The following GATAD2A variants were observed in gnomAD, a reference collection of about 807,000 sequenced individuals.
GATAD2A encodes the protein transcriptional repressor p66-alpha.
GATAD2A carries 12 observed loss-of-function variants against 68.5 expected under a neutral mutation model. The ratio of observed to expected loss-of-function variants is 0.18; its 90% confidence interval spans 0.11 to 0.28. The LOEUF (loss-of-function observed/expected upper bound fraction) is 0.28, where lower values mean the gene tolerates loss of function less well. GATAD2A is among the 10% of genes least tolerant of loss of function. GATAD2A has a pLI of 1.00. For synonymous variants in GATAD2A, 410 were observed against 375.3 expected, an observed-to-expected ratio of 1.09 and a Z score of -1.07; for missense variants, 755 against 868.5, an observed-to-expected ratio of 0.87 and a Z score of 1.64.
intron 1 of GATAD2A, among the ~76,000 whole-genome samples, chr19:19,439,171 T>C (rs2054697155): frequency 6.6e-6 from 1 of 152,238 alleles, no homozygotes; most frequent in African/African-American, 2.4e-5. Context: ...CTCCCACTTG[T>C]GTGTACATTT....
rs1488070142 is a variant in GATAD2A, at chr19:19,431,272, G to A, written c.-7+25253G>A. On this transcript the variant is annotated intron_variant, in intron 1 of 11. Transcript: ENST00000683918. ...ATGCTGCTAGTTGTGATCATGCTGA[G>A]TGGTCTTCTGCTTGGTTTCCTCCTC... Among the ~76,000 whole-genome samples the A allele has an allele frequency of 2.0e-5, 3 of 151,100 alleles. No individual in the cohort carries two copies. The East Asian group carries it at 5.9e-4, about 30-fold the overall frequency.
upstream of GATAD2A, among the ~76,000 whole-genome samples, chr19:19,405,556 C>A (rs1450410725): frequency 6.6e-6 from 1 of 152,006 alleles, no homozygotes; most frequent in Non-Finnish European, 1.5e-5. Flanking sequence ...CGGAGAGGGG[C>A]GGTGCTTCCG....
At position 19,507,835 on chromosome 19, in the gene GATAD2A, C is replaced by T. The variant is rs1460199030; in HGVS notation, c.*2361C>T. 1 of 152,140 alleles carries T rather than the reference C, an allele frequency of 6.6e-6. No homozygotes were observed. Among genetic ancestry groups the T allele is most frequent in the African/African-American group, 2.4e-5 (1 of 41,424 alleles). The allele number at this position is 152,140 out of a possible 1,614,324, so 9.4% of individuals were successfully genotyped here. A position where few individuals can be genotyped will look rare whatever the true frequency, so the allele number is the denominator to read the frequency against. On this transcript the variant is annotated 3_prime_UTR_variant, in exon 12 of 12. Coordinates refer to ENST00000683918, the MANE Select transcript of GATAD2A (RefSeq NM_001384528.1). ...TTCTGCTGTCTCGAACACTCTAGCC[C>T]ATTATTTCCTTTCAGTTCCTTGCAG... is the stretch of plus-strand genomic sequence containing the variant.
At chr19:19,443,308 C>A (rs1158968239) in intron 1 of GATAD2A, among the ~76,000 whole-genome samples, 1 of 152,158 alleles carries the variant, frequency 6.6e-6, no homozygotes, top group Non-Finnish European at 1.5e-5. Flanking sequence ...AGGTCTAGTT[C>A]ATGAGAAATT....
intron 2 of GATAD2A, among the ~76,000 whole-genome samples, chr19:19,473,565 C>T (rs1172664950): frequency 1.3e-5 from 2 of 152,064 alleles, no homozygotes; most frequent in African/African-American, 4.8e-5. Flanking sequence ...CTTCCCTGCC[C>T]AGAGAATGCA....
At chr19:19,406,783 G>C (rs2050328344) in intron 1 of GATAD2A, among the ~76,000 whole-genome samples, 1 of 152,168 alleles carries the variant, frequency 6.6e-6, no homozygotes. Flanking sequence ...TTATGGGCAG[G>C]GCCCAGGCTG....
rs773973034 is a variant in GATAD2A at position 19,465,624 on chromosome 19, AG to A, written c.269+12del. The A allele has an allele frequency of 3.1e-5, 50 of 1,595,386 alleles. No homozygotes were observed. Among genetic ancestry groups the A allele is most frequent in the Non-Finnish European group, 5.1e-6 (6 of 1,171,610 alleles). On this transcript the variant is annotated intron_variant, in intron 2 of 11. Coordinates refer to ENST00000683918, the MANE Select transcript of GATAD2A (RefSeq NM_001384528.1). ...TGCGCACCTCACACAGGTGAGTGGG[AG>A]GAGCCAGCGGGAGGGGCTGGAACCT...
chr19:19,448,358 A>C (rs1213832687), intron 1 of GATAD2A, among the ~76,000 whole-genome samples: 3 of 152,246 alleles, frequency 2.0e-5, no homozygotes, highest in African/African-American at 7.2e-5. Context: ...ACAGCGGCGC[A>C]GGTGTGGGGC....
chr19:19,470,336 ATGT>A (rs1286797727), intron 2 of GATAD2A, among the ~76,000 whole-genome samples: 1 of 151,914 alleles, frequency 6.6e-6, no homozygotes, highest in Non-Finnish European at 1.5e-5. Context: ...GGGTTTCACC[ATGT>A]TGGCCAGGCT....
intron 1 of GATAD2A, among the ~76,000 whole-genome samples, chr19:19,447,227 A>T (rs186997620): frequency 1.5e-3 from 225 of 151,948 alleles, no homozygotes; most frequent in Middle Eastern, 6.8e-3. Context: ...GACCTGGGGG[A>T]GTGGAGATGC....
In GATAD2A at chr19:19,506,372, G is replaced by T. The variant is rs1031738245; in HGVS notation, c.*898G>T. ...AAAGCTGGAGGGGGGACTGTCGCGG[G>T]GTTTTTCTGTTGTGGTTTATTTTAT... On this transcript the variant is annotated 3_prime_UTR_variant, in exon 12 of 12. Transcript: ENST00000683918. The T allele has an allele frequency of 1.3e-5, 5 of 394,826 alleles. No homozygotes were observed. Among genetic ancestry groups the T allele is most frequent in the African/African-American group, 8.2e-5 (4 of 48,566 alleles). The allele number at this position is 394,826 out of a possible 1,614,324, so 24.5% of individuals were successfully genotyped here. A position where few individuals can be genotyped will look rare whatever the true frequency, so the allele number is the denominator to read the frequency against.
At chr19:19,429,115 G>A in intron 1 of GATAD2A, 5 of 826,340 alleles carry the variant, frequency 6.1e-6, no homozygotes, top group Non-Finnish European at 7.3e-6. Context: ...CCTCCTCCGT[G>A]CCCACGTGGG....
chr19:19,451,308 G>A (rs2056366095), intron 1 of GATAD2A, among the ~76,000 whole-genome samples: 1 of 152,138 alleles, frequency 6.6e-6, no homozygotes, highest in Non-Finnish European at 1.5e-5. Context: ...TTGAACCCAG[G>A]AGGCGGATAT....
At chr19:19,388,337 G>C (rs972788523) in intron 1 of GATAD2A, among the ~76,000 whole-genome samples, 1 of 152,066 alleles carries the variant, frequency 6.6e-6, no homozygotes, top group African/African-American at 2.4e-5. Context: ...GATTACAGGC[G>C]TGAACCACCG....
In GATAD2A at chr19:19,463,805, G is replaced by A. The variant is rs568897489; in HGVS notation, c.-6-1535G>A. Reference sequence around the variant, plus strand: ...ACCCCAGTGTTTCAAGCCGGTGCCCGGGTGCCCTGGCTGGACCACACTGGC... The same window carrying A: ...ACCCCAGTGTTTCAAGCCGGTGCCCAGGTGCCCTGGCTGGACCACACTGGC... On this transcript the variant is annotated intron_variant, in intron 1 of 11. Coordinates refer to ENST00000683918, the MANE Select transcript of GATAD2A (RefSeq NM_001384528.1). Among the ~76,000 whole-genome samples, 8 of 152,290 alleles carry A rather than the reference G, an allele frequency of 5.3e-5. No homozygotes were observed. The South Asian group carries it at 1.5e-3, about 28-fold the overall frequency.
At position 19,393,016 on chromosome 19, in the gene GATAD2A, T is replaced by G. The variant is rs551398450; in HGVS notation, c.-7+6878T>G. ...GGCCAGTTTATTCTTTTAAATTGGC[T>G]TATAAGGGGCCAGGTGCGGTGGCTT... On this transcript the variant is annotated intron_variant, in intron 1 of 11. Transcript: ENST00000360315. Among the ~76,000 whole-genome samples, 14 of 152,258 alleles carry G rather than the reference T, an allele frequency of 9.2e-5. No individual in the cohort carries two copies. In the East Asian group the frequency reaches 2.7e-3, roughly 29 times the overall value.
chr19:19,491,213 T>C (rs1452100073), intron 2 of GATAD2A, among the ~76,000 whole-genome samples: 1 of 152,172 alleles, frequency 6.6e-6, no homozygotes, highest in Admixed American at 6.5e-5. Flanking sequence ...TTCTGATGAA[T>C]AACAGCAGCT....
chr19:19,480,790 A>T (rs2059005226), intron 2 of GATAD2A, among the ~76,000 whole-genome samples: 1 of 152,206 alleles, frequency 6.6e-6, no homozygotes, highest in African/African-American at 2.4e-5. Context: ...GCACTGAGCA[A>T]CTGGAGCAGG....
At position 19,449,540 on chromosome 19, in the gene GATAD2A, C is replaced by G. The variant is rs1192243271; in HGVS notation, c.-6-15800C>G. Among the ~76,000 whole-genome samples the G allele has an allele frequency of 2.6e-5, 4 of 150,990 alleles. No individual in the cohort carries two copies. The East Asian group carries it at 7.8e-4, about 29-fold the overall frequency. Reference sequence around the variant, plus strand: ...GGTTACTTGGGTATATATTAATATACCTGGGTATGTTTCTGTGATGTTTTG... The same window carrying G: ...GGTTACTTGGGTATATATTAATATAGCTGGGTATGTTTCTGTGATGTTTTG... On this transcript the variant is annotated intron_variant, in intron 1 of 11. Coordinates refer to ENST00000683918, the MANE Select transcript of GATAD2A (RefSeq NM_001384528.1).
Sources: allele counts gnomAD v4.1 joint callset (sites outside exome capture counted in the v4.1 genomes callset), GRCh38; gene constraint gnomAD v4.1.1; transcripts MANE v1.5; gene names NCBI Gene and HGNC (gene_info 2026-07-23, HGNC 2026-07-21).